Variants in RGS3 observed in about 807,000 individuals in gnomAD.
The protein encoded by RGS3 is regulator of G protein signaling 3, also known as regulator of G-protein signalling 3.
In RGS3, 80 loss-of-function variants were observed where a neutral mutation model predicts 132.6. The ratio of observed to expected loss-of-function variants is 0.60; its 90% CI spans 0.50 to 0.73. The LOEUF (loss-of-function observed/expected upper bound fraction) is 0.73, where lower values mean the gene tolerates loss of function less well. Ranked by LOEUF, RGS3 falls within the 30% of genes least tolerant of loss-of-function variation. The pLI is 0.00. For missense variants in RGS3, 1,382 were observed against 1,530.8 expected, an observed-to-expected ratio of 0.90 and a Z score of 1.62; for synonymous variants, 598 against 620.6, an observed-to-expected ratio of 0.96 and a Z score of 0.54.
At chr9:113,549,156 T>G (rs1833230214) in intron 19 of RGS3, among the ~76,000 whole-genome samples, 1 of 152,218 alleles carries the variant, frequency 6.6e-6, no homozygotes, top group South Asian at 2.1e-4. Context: ...AGCAGCCTCC[T>G]GCAGGTTTAG....
chr9:113,525,999 T>C (rs1832182305), intron 17 of RGS3, among the ~76,000 whole-genome samples: 2 of 152,188 alleles, frequency 1.3e-5, no homozygotes, highest in Non-Finnish European at 2.9e-5. Context: ...GGCAGTGTAA[T>C]GGGAACAGGC....
rs1262575458 is a variant in RGS3, at chr9:113,512,875, C to T, written c.1478-1583C>T. On this transcript the variant is annotated intron_variant, in intron 14 of 24. Coordinates refer to ENST00000350696, the Ensembl canonical transcript of RGS3. The stretch of plus-strand genomic sequence containing the variant: ...TTTTTAGCGACTTTGTGTTTTGTCC[C>T]TCTGCCTACTAGACGGAATGTAACA... Among the ~76,000 whole-genome samples the T allele has an allele frequency of 2.0e-5, 3 of 152,178 alleles. No individual in the cohort carries two copies. In the East Asian group the frequency reaches 5.8e-4, roughly 29 times the overall value.
At chr9:113,577,309 C>T (rs1256376746) in intron 19 of RGS3, among the ~76,000 whole-genome samples, 2 of 152,120 alleles carry the variant, frequency 1.3e-5, no homozygotes, top group Admixed American at 1.3e-4. Context: ...TAGAAATTAG[C>T]TTTAGAAATT....
At chr9:113,573,436 G>A (rs747652416) in intron 19 of RGS3, among the ~76,000 whole-genome samples, 4 of 152,170 alleles carry the variant, frequency 2.6e-5, no homozygotes, top group African/African-American at 9.7e-5. Flanking sequence ...CATATGCCCC[G>A]TAGCAGCCGT....
At position 113,463,055 on chromosome 9, in the gene RGS3, C is replaced by A. The variant is rs530526245; in HGVS notation, c.415+854C>A. Among the ~76,000 whole-genome samples the A allele has an allele frequency of 3.9e-5, 6 of 152,238 alleles. No homozygotes were observed. Among genetic ancestry groups the A allele is most frequent in the Admixed American group, 1.3e-4 (2 of 15,292 alleles). ...ACCAGGCTGGGGGATTCACCCACCC[C>A]ACTCCGTTTCCTGTGCGTTCCTCTT... On this transcript the variant is annotated intron_variant, in intron 3 of 24. Coordinates refer to ENST00000350696, the Ensembl canonical transcript of RGS3. The surrounding 1 kb of genome is among the most constrained non-coding windows in gnomAD (Gnocchi z 4.6).
At position 113,478,612 on chromosome 9, in the gene RGS3, C is replaced by A. The variant is rs189764933; in HGVS notation, c.416-879C>A. 3.7e-3 allele frequency among the ~76,000 whole-genome samples: 561 copies of A among 152,074 alleles called. 7 individuals carry two copies. Among genetic ancestry groups the A allele is most frequent in the African/African-American group, 0.013 (522 of 41,462 alleles). On this transcript the variant is annotated intron_variant, in intron 3 of 24. Coordinates refer to ENST00000350696, the Ensembl canonical transcript of RGS3. ...TCACTTGAGCCCAGGAGTTTGAGAC[C>A]AAGCTGGATAACACAGCAAGACCCC...
chr9:113,452,485 T>G (rs911028751), intron 1 of RGS3, among the ~76,000 whole-genome samples: 1 of 151,980 alleles, frequency 6.6e-6, no homozygotes, highest in African/African-American at 2.4e-5. Context: ...TTGATCATGA[T>G]GTACTTTTAG....
At chr9:113,496,049 T>C (rs973818016) in intron 8 of RGS3, among the ~76,000 whole-genome samples, 2 of 152,202 alleles carry the variant, frequency 1.3e-5, no homozygotes, top group Non-Finnish European at 2.9e-5. Flanking sequence ...TCTTGGTTTG[T>C]CTTGCCAGAG....
rs769080747 is a variant in RGS3 at position 113,479,508 on chromosome 9, A to G, written c.433A>G (p.Ile145Val). 52 of 1,614,188 alleles carry G rather than the reference A, an allele frequency of 3.2e-5. 1 individual carries two copies. In the South Asian group the frequency reaches 4.0e-4, roughly 12 times the overall value. ...TTCCTTAGGTCAGCTGAGGCTGTCC[A>G]TTGATGCCCAGGACCGGGTTCTGCT... Residue 145 changes from isoleucine (I) to valine (V), a missense_variant, in exon 4 of 25, where the codon ATT (isoleucine) becomes GTT (valine). Coordinates refer to ENST00000350696, the Ensembl canonical transcript of RGS3.
chr9:113,594,187 C>T lies in RGS3; in HGVS notation c.3081-243C>T, dbSNP rs147719215. 927 of 1,612,964 alleles carry T rather than the reference C, an allele frequency of 5.7e-4. 2 individuals carry two copies. The African/African-American group carries it at 0.01, about 18-fold the overall frequency. On this transcript the variant is annotated intron_variant, in intron 21 of 24. Coordinates refer to ENST00000350696, the Ensembl canonical transcript of RGS3. ...GGCTGCAGCCTGCACCGTTGCTGCC[C>T]GCTGCCCAGGACGCGGGGTGGGGGA...
intron 19 of RGS3, among the ~76,000 whole-genome samples, chr9:113,555,612 G>A (rs903498376): frequency 1.3e-5 from 2 of 151,896 alleles, no homozygotes; most frequent in African/African-American, 2.4e-5. Context: ...GATTACAGGC[G>A]CCCGCCACCA....
At chr9:113,510,061 A>G (rs1831331402) in intron 14 of RGS3, among the ~76,000 whole-genome samples, 1 of 152,088 alleles carries the variant, frequency 6.6e-6, no homozygotes. Context: ...ACTGCACCCC[A>G]TTCGTAGTCT....
At position 113,591,746 on chromosome 9, in the gene RGS3, G is replaced by C. The variant is rs186851076; in HGVS notation, c.3080+349G>C. On this transcript the variant is annotated intron_variant, in intron 21 of 24. Transcript: ENST00000350696. The surrounding 1 kb of genome is among the most constrained non-coding windows in gnomAD (Gnocchi z 4.4). The stretch of plus-strand genomic sequence containing the variant: ...CTTTGCTCCCTCTGGGCCCAAGAGT[G>C]ACCTGAGAAGGGGTGGAACTGACAG... 9.3e-5 allele frequency: 22 copies of C among 237,152 alleles called. 1 individual carries two copies. The East Asian group carries it at 1.7e-3, about 18-fold the overall frequency. The allele number at this position is 237,152 out of a possible 1,614,324, so 14.7% of individuals were successfully genotyped here.
chr9:113,568,950 G>A (rs559097587), intron 19 of RGS3, among the ~76,000 whole-genome samples: 2 of 152,360 alleles, frequency 1.3e-5, no homozygotes, highest in African/African-American at 4.8e-5. Context: ...TCCGGGCACA[G>A]ATGAGAGGGA....
At chr9:113,461,959 C>T (rs1016501171) in intron 2 of RGS3, 2 of 1,595,588 alleles carry the variant, frequency 1.3e-6, no homozygotes, top group South Asian at 1.1e-5. Flanking sequence ...TGGGAGTGAA[C>T]ACACCTTGCA....
chr9:113,491,195 G>A (rs1208025193), intron 7 of RGS3, among the ~76,000 whole-genome samples: 3 of 143,950 alleles, frequency 2.1e-5, no homozygotes, highest in Non-Finnish European at 4.5e-5. Flanking sequence ...TTAATTATAT[G>A]TAAACATTAT....
chr9:113,467,891 T>G (rs1022850911), intron 3 of RGS3, among the ~76,000 whole-genome samples: 1 of 152,166 alleles, frequency 6.6e-6, no homozygotes. Flanking sequence ...ATTTTTCTTA[T>G]GTAAAAAAAA....
intron 19 of RGS3, among the ~76,000 whole-genome samples, chr9:113,545,678 A>T (rs1833081807): frequency 6.6e-6 from 1 of 152,164 alleles, no homozygotes; most frequent in South Asian, 2.1e-4. Context: ...AACTGTTCCC[A>T]GATCCTTGGT....
At chr9:113,508,422 T>G (rs1831240592) in intron 13 of RGS3, 119 bp from the exon 12 acceptor site, 1 of 961,556 alleles carries the variant, frequency 1.0e-6, no homozygotes, top group East Asian at 2.4e-5. Flanking sequence ...CTGCTGTTTT[T>G]CTCTTGTGCC....
Sources: allele counts gnomAD v4.1 joint callset (sites outside exome capture counted in the v4.1 genomes callset), GRCh38; gene constraint gnomAD v4.1.1; non-coding constraint Gnocchi (gnomAD v3.1); transcripts MANE v1.5; gene names NCBI Gene and HGNC (gene_info 2026-07-23, HGNC 2026-07-21).